The following MGA variants were observed in gnomAD, a reference collection of about 807,000 sequenced individuals.
The protein encoded by MGA is MAX dimerization protein MGA.
Under a neutral mutation model 261.1 loss-of-function variants are expected in MGA, and 40 were observed. The observed-to-expected ratio is 0.15, with a 90% CI of 0.12 to 0.20. MGA has a LOEUF of 0.20. Ranked by LOEUF, MGA falls within the 10% of genes least tolerant of loss-of-function variation. The pLI, the probability that MGA is intolerant of heterozygous loss-of-function variation, is 1.00. For synonymous variants in MGA, 1,302 were observed against 1,290.6 expected (o/e 1.01, Z -0.19); for missense variants, 3,397 against 3,630.5 (o/e 0.94, Z 1.65).
rs542882142 is a variant in MGA, at chr15:41,652,941, T to C, written c.-67-15887T>C. On this transcript the variant is annotated intron_variant, in intron 1 of 8. Transcript: ENST00000566718. ...CCTCAAGAATGTAGAGTGGAACTAG[T>C]CATGAGATGAAAAATACTGCCTCTG... 4.6e-5 allele frequency among the ~76,000 whole-genome samples: 7 copies of C among 152,340 alleles called. No individual in the cohort carries two copies. The East Asian group carries it at 1.3e-3, about 29-fold the overall frequency.
At chr15:41,647,450 G>A (rs1172903316) in intron 1 of MGA, among the ~76,000 whole-genome samples, 2 of 151,826 alleles carry the variant, frequency 1.3e-5, no homozygotes, top group Non-Finnish European at 2.9e-5. Flanking sequence ...ATGAAACTGT[G>A]TAGTTCCTGG....
intron 2 of MGA, among the ~76,000 whole-genome samples, chr15:41,685,616 C>T (rs1409949655): frequency 1.3e-5 from 2 of 152,094 alleles, no homozygotes; most frequent in Non-Finnish European, 2.9e-5. Flanking sequence ...TTTATCTCAA[C>T]CATAATTCAT....
At chr15:41,730,188 C>G (rs2061439797) in intron 11 of MGA, among the ~76,000 whole-genome samples, 1 of 152,136 alleles carries the variant, frequency 6.6e-6, no homozygotes, top group Non-Finnish European at 1.5e-5. Context: ...GCCACTGCAC[C>G]CAGCCACATT....
At chr15:41,643,974 T>C (rs1171411144) in intron 1 of MGA, among the ~76,000 whole-genome samples, 1 of 152,158 alleles carries the variant, frequency 6.6e-6, no homozygotes, top group African/African-American at 2.4e-5. Flanking sequence ...AGATCTTTGA[T>C]CTGGTTTGTG....
At chr15:41,710,065 G>A (rs1307401488) in intron 7 of MGA, among the ~76,000 whole-genome samples, 1 of 152,076 alleles carries the variant, frequency 6.6e-6, no homozygotes, top group African/African-American at 2.4e-5. Flanking sequence ...GACCTCAGGT[G>A]ATCTGCCTGC....
At chr15:41,707,690 A>G (rs775563656) in intron 5 of MGA, 38 bp from the exon 6 acceptor site, 2 of 1,548,454 alleles carry the variant, frequency 1.3e-6, no homozygotes, top group Non-Finnish European at 1.7e-6. Context: ...ATGATTTCTG[A>G]TTAATCTATG....
In MGA at chr15:41,707,814, A is replaced by G. The variant is rs373761971; in HGVS notation, c.2275A>G (p.Ser759Gly). 17 of 1,613,786 alleles carry G rather than the reference A, an allele frequency of 1.1e-5. No homozygotes were observed. The highest frequency in any genetic ancestry group is 1.4e-5 in the Non-Finnish European group (17 of 1,179,838). The change falls in exon 6 of 24, where the codon AGC becomes GGC. Residue 759 changes from serine to glycine, a missense_variant. By Grantham distance (56) the Ser-to-Gly change is moderately conservative (BLOSUM62 0). Around this residue, in one of 9 missense-constraint regions of MGA, gnomAD observed 19 missense variants for 44.7 expected, o/e 0.43. Coordinates refer to ENST00000219905, the MANE Select transcript of MGA (RefSeq NM_001164273.2). ...ACAGTTACCTTTGGCTCCAGCTACT[A>G]GCTTTCCTTTTTGGAACCTTACAGG...
chr15:41,761,455 A>G (rs1230897815), intron 20 of MGA, among the ~76,000 whole-genome samples: 3 of 152,218 alleles, frequency 2.0e-5, no homozygotes, highest in Admixed American at 6.5e-5. Context: ...ATCTAAGCAG[A>G]GCACAGGTGT....
chr15:41,721,399 T>C (rs1373194046), intron 9 of MGA, among the ~76,000 whole-genome samples: 2 of 152,052 alleles, frequency 1.3e-5, no homozygotes, highest in African/African-American at 2.4e-5. Context: ...ACCTGGGAGA[T>C]GGAGGTTGCA....
chr15:41,729,134 A>T (rs1299333486), intron 10 of MGA, 30 bp from the exon 11 acceptor site: 1 of 1,602,632 alleles, frequency 6.2e-7, no homozygotes, highest in Non-Finnish European at 8.5e-7. Context: ...TTCCCACTGT[A>T]TGGAATATTT....
intron 11 of MGA, 56 bp from the exon 12 acceptor site, chr15:41,734,466 T>C (rs1190496461): frequency 1.5e-6 from 2 of 1,336,280 alleles, no homozygotes; most frequent in East Asian, 2.4e-5. Context: ...TCCAAGTTTC[T>C]GTGGGTATTG....
chr15:41,657,365 T>C (rs1327101698), upstream of MGA, among the ~76,000 whole-genome samples: 1 of 136,436 alleles, frequency 7.3e-6, no homozygotes, highest in Non-Finnish European at 1.6e-5. Flanking sequence ...TTTTTTTTTT[T>C]TTTTTTGAGA....
Position 41,748,750 on chromosome 15 carries a change from C to A in MGA, c.5326C>A (p.Pro1776Thr), listed in dbSNP as rs977494087. 23 of 1,613,822 alleles carry A rather than the reference C, an allele frequency of 1.4e-5. No homozygotes were observed. The highest frequency in any genetic ancestry group is 1.8e-5 in the Non-Finnish European group (21 of 1,179,884). Residue 1776 changes from proline (P) to threonine (T), a missense_variant, in exon 16 of 24, where the codon CCT becomes ACT. By Grantham distance (38) the Pro-to-Thr change is conservative. Transcript: ENST00000219905. The stretch of plus-strand genomic sequence containing the variant: ...GCAGCAGGGTTCTCCTACTCTTAGA[C>A]CTGTCTCAAACACACAACTTCAGGG...
chr15:41,707,970 T>C (rs2060202411), intron 6 of MGA, 111 bp downstream of exon 6: 5 of 1,406,900 alleles, frequency 3.6e-6, no homozygotes, highest in Admixed American at 4.9e-5. Flanking sequence ...TAGTCTAAGA[T>C]AGATCTTTTG....
intron 14 of MGA, among the ~76,000 whole-genome samples, chr15:41,741,958 C>T (rs977399742): frequency 1.3e-5 from 2 of 151,958 alleles, no homozygotes; most frequent in African/African-American, 2.4e-5. Flanking sequence ...GATCTGCCCA[C>T]CTCGGCCTCC....
Position 41,682,631 on chromosome 15 carries a change from C to T in MGA, c.1064+12673C>T, listed in dbSNP as rs565265515. Among the ~76,000 whole-genome samples, 3 of 152,258 alleles carry T rather than the reference C, an allele frequency of 2.0e-5. No individual in the cohort carries two copies. The East Asian group carries it at 5.8e-4, about 29-fold the overall frequency. On this transcript the variant is annotated intron_variant, in intron 2 of 23. Transcript: ENST00000219905. ...AAGTAGCTGGGACTACAGGCTCATG[C>T]TTCCACGCCCGGCTAATTTTTGTGG...
chr15:41,666,662 T>C (rs1039945213), intron 1 of MGA, among the ~76,000 whole-genome samples: 1 of 152,254 alleles, frequency 6.6e-6, no homozygotes, highest in Non-Finnish European at 1.5e-5. Context: ...TAATATATCT[T>C]GTAGATACTT....
chr15:41,726,379 T>A (rs997688243), intron 9 of MGA, among the ~76,000 whole-genome samples: 1 of 152,176 alleles, frequency 6.6e-6, no homozygotes, highest in Admixed American at 6.5e-5. Flanking sequence ...AACTATTGAA[T>A]AATAAGGTTC....
intron 1 of MGA, among the ~76,000 whole-genome samples, chr15:41,643,921 A>G (rs1036853841): frequency 4.7e-5 from 7 of 148,620 alleles, no homozygotes; most frequent in Non-Finnish European, 1.0e-4. Context: ...ACTCTTTCTC[A>G]TTTTTTTTCC....
Sources: gnomAD v4.1 joint callset for allele counts (sites outside exome capture counted in the v4.1 genomes callset) on GRCh38, gnomAD v4.1.1 for gene constraint, gnomAD v4.1.1 regional missense constraint, MANE v1.5 for transcripts, NCBI Gene and HGNC (gene_info 2026-07-23, HGNC 2026-07-21) for gene names.